Variants in MCUB observed in about 807,000 individuals in gnomAD.
MCUB encodes mitochondrial calcium uniporter dominant negative subunit beta.
Under a neutral mutation model 41.4 loss-of-function variants are expected in MCUB, and 46 were observed. The observed-to-expected ratio is 1.11, with a 90% confidence interval of 0.88 to 1.42. The LOEUF is 1.42. Ranked by LOEUF, MCUB falls within the 40% of genes most tolerant of loss-of-function variation. The pLI is 0.00. For synonymous variants in MCUB, 148 were observed against 148.2 expected (o/e 1.00, Z 0.01); for missense variants, 403 against 404.9 (o/e 1.00, Z 0.04).
Position 109,668,215 on chromosome 4 carries a change from T to C in MCUB, c.451+3821T>C, listed in dbSNP as rs549205247. On this transcript the variant is annotated intron_variant, in intron 4 of 7. Transcript: ENST00000394650. ...ATTTTCTGCTTGGCAGATCTGTCCA[T>C]TTCTAATAGAGGAATGTTGAAGTCT... Among the ~76,000 whole-genome samples the C allele has an allele frequency of 2.0e-5, 3 of 152,254 alleles. No homozygotes were observed. In the South Asian group the frequency reaches 6.2e-4, roughly 32 times the overall value.
rs185877383 is a variant in MCUB at position 109,662,730 on chromosome 4, G to C, written c.347-1560G>C. Reference sequence around the variant, plus strand: ...TCATATTCAGTGTATGTCTTTTTTAGTAAGATTTTAAGGAGCTGGTTTGAA... The same window carrying C: ...TCATATTCAGTGTATGTCTTTTTTACTAAGATTTTAAGGAGCTGGTTTGAA... On this transcript the variant is annotated intron_variant, in intron 3 of 7. Transcript: ENST00000394650. Among the ~76,000 whole-genome samples, 758 of 152,152 alleles carry C rather than the reference G, an allele frequency of 5.0e-3. 3 individuals carry two copies. The highest frequency in any genetic ancestry group is 0.018 in the African/African-American group (729 of 41,532).
chr4:109,588,872 A>G lies in MCUB; in HGVS notation c.99+28436A>G, dbSNP rs182193984. ...TATTTTTGTGGGGACTAAATTGGATATAAAGAATGATTGATAAAAAGGAAG... is the reference window on the plus strand; with the variant it reads ...TATTTTTGTGGGGACTAAATTGGATGTAAAGAATGATTGATAAAAAGGAAG... On this transcript the variant is annotated intron_variant, in intron 1 of 7. Coordinates refer to ENST00000394650, the MANE Select transcript of MCUB (RefSeq NM_017918.5). Among the ~76,000 whole-genome samples, 3 of 152,204 alleles carry G rather than the reference A, an allele frequency of 2.0e-5. No homozygotes were observed. The South Asian group carries it at 6.2e-4, about 31-fold the overall frequency.
intron 1 of MCUB, among the ~76,000 whole-genome samples, chr4:109,645,183 T>C (rs1728806827): frequency 6.6e-6 from 1 of 152,122 alleles, no homozygotes; most frequent in South Asian, 2.1e-4. Flanking sequence ...CCACTACCAA[T>C]CATTAGAACT....
At chr4:109,568,746 C>G (rs184533839) in intron 1 of MCUB, among the ~76,000 whole-genome samples, 5 of 152,300 alleles carry the variant, frequency 3.3e-5, no homozygotes, top group Admixed American at 3.3e-4. Context: ...GACTTTCCCA[C>G]CTGGATTCTC....
intron 1 of MCUB, among the ~76,000 whole-genome samples, chr4:109,640,533 G>A (rs942040549): frequency 2.6e-5 from 4 of 152,216 alleles, no homozygotes; most frequent in Non-Finnish European, 4.4e-5. Flanking sequence ...TTCTACATCA[G>A]TACTTGTTGC....
In MCUB at chr4:109,597,968, CAGA is replaced by C. The variant is rs1323419466; in HGVS notation, c.99+37533_99+37535del. Among the ~76,000 whole-genome samples the C allele has an allele frequency of 1.7e-3, 244 of 146,166 alleles. 3 individuals carry two copies. The highest frequency in any genetic ancestry group is 8.2e-3 in the Middle Eastern group (2 of 244). ...TCACATCCCAGATGGGGCGGCGGGG[CAGA>C]GGCGCTCCCCACATCTCAGACGATG... On this transcript the variant is annotated intron_variant, in intron 1 of 7. Transcript: ENST00000394650.
At chr4:109,601,615 C>A (rs1290736339) in intron 1 of MCUB, among the ~76,000 whole-genome samples, 3 of 151,986 alleles carry the variant, frequency 2.0e-5, no homozygotes, top group African/African-American at 7.2e-5. Context: ...TGTATATATA[C>A]CACACTTTCT....
At chr4:109,675,718 G>A (rs1729560593) in intron 4 of MCUB, among the ~76,000 whole-genome samples, 1 of 152,198 alleles carries the variant, frequency 6.6e-6, no homozygotes, top group African/African-American at 2.4e-5. Context: ...TGGGGGCACT[G>A]CCCTAATGAA....
At chr4:109,604,207 A>G (rs549465522) in intron 1 of MCUB, among the ~76,000 whole-genome samples, 27 of 151,736 alleles carry the variant, frequency 1.8e-4, no homozygotes, top group African/African-American at 4.6e-4. Context: ...AAGAGTCATC[A>G]CCACTCCCTA....
rs1729817009 is a variant in MCUB at position 109,685,379 on chromosome 4, A to C, written c.933+12A>C. On this transcript the variant is annotated intron_variant, in intron 7 of 7. Coordinates refer to ENST00000394650, the MANE Select transcript of MCUB (RefSeq NM_017918.5). ...AAGACCTTGCTAAGGTATACTACAA[A>C]TACATCTTATAGCTGGTTTGTTTGG... 1 of 1,101,272 alleles carries C rather than the reference A, an allele frequency of 9.1e-7. No individual in the cohort carries two copies. The highest frequency in any genetic ancestry group is 1.5e-5 in the African/African-American group (1 of 64,906). The allele number at this position is 1,101,272 out of a possible 1,614,324, so 68.2% of individuals were successfully genotyped here.
intron 1 of MCUB, among the ~76,000 whole-genome samples, chr4:109,583,785 T>G (rs546304597): frequency 5.9e-5 from 9 of 152,302 alleles, no homozygotes; most frequent in Admixed American, 5.2e-4. Context: ...GGTGTTGGAT[T>G]TTGTCGAAGG....
At chr4:109,583,127 G>A (rs962435155) in intron 1 of MCUB, among the ~76,000 whole-genome samples, 1 of 152,274 alleles carries the variant, frequency 6.6e-6, no homozygotes, top group Middle Eastern at 3.4e-3. Flanking sequence ...GATGGGTATG[G>A]CATTGAATCT....
At chr4:109,579,381 C>A (rs1214094324) in intron 1 of MCUB, among the ~76,000 whole-genome samples, 1 of 152,100 alleles carries the variant, frequency 6.6e-6, no homozygotes, top group East Asian at 1.9e-4. Context: ...TCCTGAGTAG[C>A]TGGGACTACA....
intron 5 of MCUB, among the ~76,000 whole-genome samples, chr4:109,684,065 C>CTTT (rs71595507): frequency 7.1e-6 from 1 of 140,046 alleles, no homozygotes; most frequent in Non-Finnish European, 1.5e-5. Context: ...TTCCTCTTTT[C>CTTT]TTTTTTTTTT....
chr4:109,651,884 G>A (rs1728968343), intron 1 of MCUB, among the ~76,000 whole-genome samples: 1 of 152,064 alleles, frequency 6.6e-6, no homozygotes, highest in Non-Finnish European at 1.5e-5. Flanking sequence ...TTTTTTCTGA[G>A]CCTATTTCCC....
At chr4:109,651,801 GAC>G (rs1003517189) in intron 1 of MCUB, among the ~76,000 whole-genome samples, 1 of 151,972 alleles carries the variant, frequency 6.6e-6, no homozygotes, top group Non-Finnish European at 1.5e-5. Context: ...TTCTGCATGT[GAC>G]AGTCTTTCAT....
At position 109,606,220 on chromosome 4, in the gene MCUB, C is replaced by T. The variant is rs375890500; in HGVS notation, c.99+45784C>T. Among the ~76,000 whole-genome samples the T allele has an allele frequency of 1.5e-4, 23 of 152,216 alleles. No individual in the cohort carries two copies. The South Asian group carries it at 1.7e-3, about 11-fold the overall frequency. ...CGATCTCCTGACCTCGTGATCCACC[C>T]GCTTTGGCCTCCCAAAAGTGCTGGG... On this transcript the variant is annotated intron_variant, in intron 1 of 7. Coordinates refer to ENST00000394650, the MANE Select transcript of MCUB (RefSeq NM_017918.5).
At chr4:109,562,092 A>G (rs1416356609) in intron 1 of MCUB, among the ~76,000 whole-genome samples, 1 of 152,006 alleles carries the variant, frequency 6.6e-6, no homozygotes, top group African/African-American at 2.4e-5. Flanking sequence ...GTTGAGTAGC[A>G]TTTTTGTGGA....
intron 1 of MCUB, among the ~76,000 whole-genome samples, chr4:109,586,579 T>C (rs1398944018): frequency 6.6e-6 from 1 of 152,204 alleles, no homozygotes; most frequent in Non-Finnish European, 1.5e-5. Context: ...TTTCTCCCCA[T>C]CTTTGTGGTT....
Sources: allele counts gnomAD v4.1 joint callset (sites outside exome capture counted in the v4.1 genomes callset), GRCh38; gene constraint gnomAD v4.1.1; transcripts MANE v1.5; gene names NCBI Gene and HGNC (gene_info 2026-07-23, HGNC 2026-07-21).